The following MVB12B variants were observed in gnomAD, a reference collection of about 807,000 sequenced individuals.
The protein encoded by MVB12B is multivesicular body subunit 12B, also known as ESCRT-I complex subunit MVB12B.
In MVB12B, 16 loss-of-function variants were observed where a neutral mutation model predicts 41.6. That is an observed-to-expected ratio of 0.38 (90% CI 0.26 to 0.58). The LOEUF is 0.58. Ranked by LOEUF, MVB12B falls within the 20% of genes least tolerant of loss-of-function variation. The pLI is 0.62. For missense variants in MVB12B, 274 were observed against 380.2 expected (o/e 0.72, Z 2.32); for synonymous variants, 133 against 139.7 (o/e 0.95, Z 0.34).
intron 6 of MVB12B, among the ~76,000 whole-genome samples, chr9:126,419,152 G>A (rs912607030): frequency 6.6e-6 from 1 of 152,170 alleles, no homozygotes; most frequent in African/African-American, 2.4e-5. Context: ...AGCTCCTGGA[G>A]TGTTTACCGC....
At chr9:126,356,850 TCCCACTTCA>T (rs989652744) in intron 2 of MVB12B, among the ~76,000 whole-genome samples, 5 of 152,032 alleles carry the variant, frequency 3.3e-5, no homozygotes, top group Admixed American at 3.3e-4. Flanking sequence ...ACATGCCTGC[TCCCACTTCA>T]CCTTCCTCCA....
chr9:126,474,119 T>TG (rs1457717114), intron 7 of MVB12B, among the ~76,000 whole-genome samples: 9 of 151,956 alleles, frequency 5.9e-5, no homozygotes, highest in African/African-American at 4.8e-5. Context: ...TCAGGCAGCG[T>TG]GGGGGGATGA....
chr9:126,406,462 AC>A (rs1210039121), intron 6 of MVB12B, among the ~76,000 whole-genome samples: 3 of 152,224 alleles, frequency 2.0e-5, no homozygotes, highest in African/African-American at 7.2e-5. Flanking sequence ...CTGCGCTCTC[AC>A]GCACACAGTC....
intron 7 of MVB12B, among the ~76,000 whole-genome samples, chr9:126,471,624 G>T (rs1250526768): frequency 6.6e-6 from 1 of 152,144 alleles, no homozygotes; most frequent in Non-Finnish European, 1.5e-5. Flanking sequence ...AACAGGCTCC[G>T]TGTTTTGGTT....
chr9:126,495,437 T>C (rs1187697938), intron 9 of MVB12B, among the ~76,000 whole-genome samples: 1 of 152,258 alleles, frequency 6.6e-6, no homozygotes, highest in Admixed American at 6.5e-5. Flanking sequence ...CTCCCATTTT[T>C]GTTTTGAAAT....
At chr9:126,481,562 G>A (rs754184853) in intron 8 of MVB12B, 138 bp downstream of exon 8, 13 of 717,582 alleles carry the variant, frequency 1.8e-5, no homozygotes, top group Non-Finnish European at 2.7e-5. Context: ...CCGCCTGCGT[G>A]TCCTCTCTCC....
chr9:126,402,223 C>CT (rs1404440023), intron 6 of MVB12B, among the ~76,000 whole-genome samples: 1 of 152,176 alleles, frequency 6.6e-6, no homozygotes, highest in Non-Finnish European at 1.5e-5. Flanking sequence ...TCCAATGACT[C>CT]TTTTTGTCCC....
chr9:126,493,445 A>C (rs1833775040), intron 9 of MVB12B, among the ~76,000 whole-genome samples: 1 of 152,084 alleles, frequency 6.6e-6, no homozygotes, highest in South Asian at 2.1e-4. Flanking sequence ...TTATCGCTTT[A>C]TAGTAAGTTT....
Position 126,376,528 on chromosome 9 carries a change from G to T in MVB12B, c.205-4536G>T. 1 of 1,289,332 alleles carries T rather than the reference G, an allele frequency of 7.8e-7. No homozygotes were observed. The highest frequency in any genetic ancestry group is 1.0e-6 in the Non-Finnish European group (1 of 988,864). The allele number at this position is 1,289,332 out of a possible 1,614,324, so 79.9% of individuals were successfully genotyped here. A position where few individuals can be genotyped will look rare whatever the true frequency, so the allele number is the denominator to read the frequency against. On this transcript the variant is annotated intron_variant, in intron 2 of 9. Coordinates refer to ENST00000361171, the MANE Select transcript of MVB12B (RefSeq NM_033446.3). The surrounding 1 kb of genome is among the most constrained non-coding windows in gnomAD (Gnocchi z 4.1). ...TGCTACACAGTGGGGCGACGAGCAG[G>T]GAGCTGGCTCAGATCGTGGGCTGGT...
intron 7 of MVB12B, among the ~76,000 whole-genome samples, chr9:126,432,723 A>G (rs1832361904): frequency 6.6e-6 from 1 of 152,192 alleles, no homozygotes; most frequent in Non-Finnish European, 1.5e-5. Context: ...GGTACGTGGC[A>G]GGGCTGAGAT....
At chr9:126,403,209 C>A (rs1831317601) in intron 6 of MVB12B, among the ~76,000 whole-genome samples, 1 of 152,226 alleles carries the variant, frequency 6.6e-6, no homozygotes, top group Non-Finnish European at 1.5e-5. Flanking sequence ...CCGACCGCCC[C>A]CCACACATCC....
At chr9:126,327,811 C>A (rs1179394807) in intron 1 of MVB12B, among the ~76,000 whole-genome samples, 1 of 152,230 alleles carries the variant, frequency 6.6e-6, no homozygotes, top group Non-Finnish European at 1.5e-5. Flanking sequence ...CTCAACACCT[C>A]TTGCACAAGG....
chr9:126,345,775 A>G (rs1388049599), intron 2 of MVB12B, among the ~76,000 whole-genome samples: 3 of 152,194 alleles, frequency 2.0e-5, no homozygotes, highest in African/African-American at 7.2e-5. Context: ...TTGTACCTTT[A>G]AACCCTCTTT....
intron 7 of MVB12B, among the ~76,000 whole-genome samples, chr9:126,424,714 G>A (rs565313538): frequency 1.4e-4 from 21 of 152,368 alleles, no homozygotes; most frequent in African/African-American, 4.8e-4. Flanking sequence ...CGGAAGTGGG[G>A]TGAGGAGCTC....
intron 6 of MVB12B, among the ~76,000 whole-genome samples, chr9:126,419,013 C>T (rs1831914540): frequency 1.3e-5 from 2 of 152,126 alleles, no homozygotes; most frequent in African/African-American, 4.8e-5. Context: ...TTTGACCACC[C>T]AACAGCTCGG....
intron 3 of MVB12B, among the ~76,000 whole-genome samples, chr9:126,385,569 CAAG>C (rs1830761251): frequency 6.6e-6 from 1 of 152,128 alleles, no homozygotes. Flanking sequence ...GATGCTTGTC[CAAG>C]GATGCTGAAC....
At chr9:126,403,113 G>C (rs547942699) in intron 6 of MVB12B, among the ~76,000 whole-genome samples, 1 of 152,330 alleles carries the variant, frequency 6.6e-6, no homozygotes, top group East Asian at 1.9e-4. Context: ...CTTAAAGTCT[G>C]TGGTGACCTG....
intron 6 of MVB12B, chr9:126,397,616 A>T (rs1458596227): frequency 1.0e-6 from 1 of 985,282 alleles, no homozygotes; most frequent in East Asian, 1.1e-4. Context: ...GCTTCCAAGT[A>T]AAAGCCATTT....
chr9:126,423,253 T>G (rs1316066915), intron 7 of MVB12B, among the ~76,000 whole-genome samples: 1 of 152,190 alleles, frequency 6.6e-6, no homozygotes, highest in Non-Finnish European at 1.5e-5. Flanking sequence ...TCACAAATCT[T>G]TTTCCAGCCA....
Sources: allele counts gnomAD v4.1 joint callset (sites outside exome capture counted in the v4.1 genomes callset), GRCh38; gene constraint gnomAD v4.1.1; non-coding constraint Gnocchi (gnomAD v3.1); transcripts MANE v1.5; gene names NCBI Gene and HGNC (gene_info 2026-07-23, HGNC 2026-07-21).